The following PDE1A variants were observed in gnomAD, a reference collection of about 807,000 sequenced individuals.
The protein encoded by PDE1A is phosphodiesterase 1A.
A neutral mutation model predicts 61.7 loss-of-function variants in PDE1A; 35 were observed. The ratio of observed to expected loss-of-function variants is 0.57; its 90% confidence interval spans 0.43 to 0.75. PDE1A has a LOEUF of 0.75. Among genes scored for constraint, PDE1A ranks in the 30% least tolerant of loss-of-function variants. PDE1A has a pLI of 0.00. For synonymous variants in PDE1A, 232 were observed against 213.2 expected (o/e 1.09, Z -0.77); for missense variants, 597 against 630.6 (o/e 0.95, Z 0.57).
At chr2:182,366,543 T>A (rs1233278922) in intron 1 of PDE1A, among the ~76,000 whole-genome samples, 2 of 152,040 alleles carry the variant, frequency 1.3e-5, no homozygotes, top group Non-Finnish European at 2.9e-5. Context: ...TTTTTAAATT[T>A]GAAAAATGAA....
At chr2:182,442,042 G>A (rs1331449423) in intron 2 of PDE1A, among the ~76,000 whole-genome samples, 1 of 152,010 alleles carries the variant, frequency 6.6e-6, no homozygotes, top group Non-Finnish European at 1.5e-5. Flanking sequence ...TGGTGAGAAA[G>A]AAGCAGGATA....
chr2:182,230,191 G>A (rs1370718672), intron 5 of PDE1A, 45 bp from the exon 6 acceptor site: 1 of 1,518,016 alleles, frequency 6.6e-7, no homozygotes, highest in Admixed American at 1.7e-5. Context: ...CAAAAAAGTG[G>A]TACTAAATCA....
chr2:182,532,945 CAAAAAAAAAA>C, the PDE1A span, among the ~76,000 whole-genome samples: 62 of 21,174 alleles, frequency 2.9e-3, 1 homozygote, highest in South Asian at 3.8e-3. Context: ...GACTCCGTCT[CAAAAAAAAAA>C]AAAAAAAAAA....
At chr2:182,157,275 G>A (rs916003061) in intron 13 of PDE1A, among the ~76,000 whole-genome samples, 8 of 151,892 alleles carry the variant, frequency 5.3e-5, no homozygotes, top group Admixed American at 1.3e-4. Flanking sequence ...TTGTCCTTCC[G>A]AAGTGCTGGG....
chr2:182,215,528 TAAAG>T lies in PDE1A; in HGVS notation c.776+8332_776+8335del, dbSNP rs1361287733. On this transcript the variant is annotated intron_variant, in intron 7 of 13. Transcript: ENST00000351439. ...ATTGACAGACCGCTAGCAAGACTAA[TAAAG>T]AAAAAAAGAGAGAAGAATCTAATAG... is the stretch of plus-strand genomic sequence containing the variant. 4.0e-5 allele frequency among the ~76,000 whole-genome samples: 6 copies of T among 149,548 alleles called. No individual in the cohort carries two copies. The East Asian group carries it at 7.9e-4, about 20-fold the overall frequency.
chr2:182,439,369 C>T (rs1381262813), intron 2 of PDE1A, among the ~76,000 whole-genome samples: 1 of 151,906 alleles, frequency 6.6e-6, no homozygotes, highest in Non-Finnish European at 1.5e-5. Context: ...GATGGTCTTG[C>T]TCAGAGAGAA....
chr2:182,499,043 A>G lies in PDE1A; in HGVS notation c.101+23233T>C, dbSNP rs556405075. Among the ~76,000 whole-genome samples the G allele has an allele frequency of 4.7e-3, 712 of 151,888 alleles. 3 individuals are homozygous for G. Among genetic ancestry groups the G allele is most frequent in the Non-Finnish European group, 8.0e-3 (545 of 67,924 alleles). ...TGCTCTGTCACCCAGGCTGGAGTGC[A>G]ACGGTGCAATCTCAGCTCACTGCAA... On this transcript the variant is annotated intron_variant, in intron 2 of 14. Coordinates refer to the PDE1A transcript ENST00000410103.
chr2:182,296,788 G>A (rs762281795), intron 1 of PDE1A, among the ~76,000 whole-genome samples: 3 of 152,158 alleles, frequency 2.0e-5, no homozygotes, highest in Non-Finnish European at 2.9e-5. Flanking sequence ...ATTTATGGGC[G>A]CAGTAAAATA....
At chr2:182,158,698 G>A (rs1046918882) in intron 13 of PDE1A, among the ~76,000 whole-genome samples, 3 of 152,144 alleles carry the variant, frequency 2.0e-5, no homozygotes, top group African/African-American at 7.2e-5. Context: ...CTACCCAGTT[G>A]TCTTGCTAAA....
the PDE1A span, among the ~76,000 whole-genome samples, chr2:182,555,965 C>CAAAAAAAAAAAAAAAAAAA: frequency 1.2e-4 from 6 of 48,438 alleles, no homozygotes; most frequent in Non-Finnish European, 2.0e-4. Flanking sequence ...AACTCCATCT[C>CAAAAAAAAAAAAAAAAAAA]AAAAAAAAAA....
At position 182,304,817 on chromosome 2, in the gene PDE1A, A is replaced by G. The variant is rs139643723; in HGVS notation, c.54-40403T>C. Among the ~76,000 whole-genome samples the G allele has an allele frequency of 3.9e-3, 599 of 152,326 alleles. 3 individuals carry two copies. The highest frequency in any genetic ancestry group is 0.014 in the African/African-American group (562 of 41,570). ...ATAGTAACATCAAAGGTCACTGATC[A>G]CCATAACACACATGATAATAACAAT... On this transcript the variant is annotated intron_variant, in intron 1 of 13. Coordinates refer to ENST00000351439, the Ensembl canonical transcript of PDE1A.
At chr2:182,551,540 T>C in the PDE1A span, among the ~76,000 whole-genome samples, 1 of 152,272 alleles carries the variant, frequency 6.6e-6, no homozygotes, top group Non-Finnish European at 1.5e-5. Context: ...CAGGTCCAGC[T>C]ATGAAAGAGT....
chr2:182,261,004 T>C (rs1030126790), intron 2 of PDE1A, among the ~76,000 whole-genome samples: 1 of 152,220 alleles, frequency 6.6e-6, no homozygotes, highest in African/African-American at 2.4e-5. Flanking sequence ...ATAGAGTTTC[T>C]ATTTCATAGG....
At chr2:182,561,368 A>G in the PDE1A span, among the ~76,000 whole-genome samples, 1 of 151,888 alleles carries the variant, frequency 6.6e-6, no homozygotes, top group Admixed American at 6.6e-5. Flanking sequence ...ATAGTTGTAG[A>G]TATGAGGTGT....
chr2:182,594,686 T>TAC, the PDE1A span, among the ~76,000 whole-genome samples: 1 of 152,354 alleles, frequency 6.6e-6, no homozygotes, highest in African/African-American at 2.4e-5. Context: ...TATAAAGGTA[T>TAC]TTAACTCGAC....
chr2:182,306,441 C>A (rs1431115008), intron 1 of PDE1A, among the ~76,000 whole-genome samples: 1 of 151,792 alleles, frequency 6.6e-6, no homozygotes, highest in South Asian at 2.1e-4. Context: ...TCATTTTTCA[C>A]AGAAATAGGA....
intron 1 of PDE1A, among the ~76,000 whole-genome samples, chr2:182,294,705 T>C (rs1341000167): frequency 6.6e-6 from 1 of 152,206 alleles, no homozygotes; most frequent in African/African-American, 2.4e-5. Flanking sequence ...TACTATATGA[T>C]GTAGCCTGGC....
chr2:182,374,080 A>G (rs1407993577), intron 1 of PDE1A, among the ~76,000 whole-genome samples: 2 of 152,178 alleles, frequency 1.3e-5, no homozygotes, highest in African/African-American at 4.8e-5. Context: ...TAAAGTACTA[A>G]TGTTCAAAAA....
At chr2:182,336,519 C>G (rs1039425920) in intron 1 of PDE1A, among the ~76,000 whole-genome samples, 8 of 152,090 alleles carry the variant, frequency 5.3e-5, no homozygotes, top group African/African-American at 1.4e-4. Context: ...AACACAGGAA[C>G]AGAAAACCAA....
Sources: allele counts gnomAD v4.1 joint callset (sites outside exome capture counted in the v4.1 genomes callset), GRCh38; gene constraint gnomAD v4.1.1; transcripts MANE v1.5; gene names NCBI Gene and HGNC (gene_info 2026-07-23, HGNC 2026-07-21).